TTC28: variants seen among roughly 807,000 people sequenced by gnomAD.
TTC28 encodes the protein tetratricopeptide repeat domain 28.
Under a neutral mutation model 198.0 loss-of-function variants are expected in TTC28, and 61 were observed. The ratio of observed to expected loss-of-function variants is 0.31; its 90% CI spans 0.25 to 0.38. The LOEUF is 0.38. TTC28 is among the 10% of genes least tolerant of loss of function. The probability of loss-of-function intolerance (pLI) is 1.00; values close to 1 mark genes in which losing one functional copy is unlikely to be tolerated. For synonymous variants in TTC28, 1,171 were observed against 1,297.8 expected (o/e 0.90, Z 2.10); for missense variants, 2,678 against 3,164.0 (o/e 0.85, Z 3.69).
chr22:28,558,690 G>C (rs898973790), intron 2 of TTC28, among the ~76,000 whole-genome samples: 5 of 150,252 alleles, frequency 3.3e-5, no homozygotes, highest in African/African-American at 9.8e-5. Flanking sequence ...AAATAAAAAA[G>C]AAAAAAAGAT....
At chr22:28,549,539 C>T (rs964526010) in intron 2 of TTC28, among the ~76,000 whole-genome samples, 2 of 152,158 alleles carry the variant, frequency 1.3e-5, no homozygotes, top group Admixed American at 1.3e-4. Context: ...TAAAAACAAA[C>T]AGTTCTCAAA....
chr22:28,229,355 G>A (rs1311256955), intron 5 of TTC28, among the ~76,000 whole-genome samples: 3 of 152,008 alleles, frequency 2.0e-5, no homozygotes, highest in Admixed American at 1.3e-4. Flanking sequence ...AAATAAAGGG[G>A]GACCAAGTGA....
At chr22:28,593,706 A>C (rs953185299) in intron 2 of TTC28, among the ~76,000 whole-genome samples, 1 of 152,202 alleles carries the variant, frequency 6.6e-6, no homozygotes, top group Non-Finnish European at 1.5e-5. Context: ...TACCTTCTTA[A>C]ATTTTATTGT....
intron 5 of TTC28, among the ~76,000 whole-genome samples, chr22:28,205,078 T>C (rs1926281795): frequency 6.6e-6 from 1 of 152,154 alleles, no homozygotes; most frequent in Non-Finnish European, 1.5e-5. Context: ...ATAATGGTCC[T>C]TATGAAATAT....
At chr22:28,587,938 G>C (rs946449051) in intron 2 of TTC28, among the ~76,000 whole-genome samples, 8 of 151,546 alleles carry the variant, frequency 5.3e-5, no homozygotes, top group African/African-American at 1.2e-4. Flanking sequence ...TCAGGAGATC[G>C]AGACCATCCT....
intron 2 of TTC28, among the ~76,000 whole-genome samples, chr22:28,401,675 G>A (rs528647795): frequency 2.0e-4 from 30 of 152,174 alleles, no homozygotes; most frequent in Non-Finnish European, 2.9e-4. Flanking sequence ...TCTGTAATCC[G>A]AGTACTTTGG....
chr22:28,237,905 T>C (rs1351658778), intron 5 of TTC28, among the ~76,000 whole-genome samples: 1 of 152,214 alleles, frequency 6.6e-6, no homozygotes, highest in Non-Finnish European at 1.5e-5. Context: ...GTTTTTCTTT[T>C]AACATTACCA....
chr22:28,633,877 A>C (rs1011558643), intron 1 of TTC28, among the ~76,000 whole-genome samples: 2 of 152,108 alleles, frequency 1.3e-5, no homozygotes, highest in African/African-American at 4.8e-5. Flanking sequence ...TGAGAGGGGG[A>C]AATACCATAC....
At chr22:28,171,153 T>C (rs1922638531) in intron 5 of TTC28, among the ~76,000 whole-genome samples, 2 of 152,210 alleles carry the variant, frequency 1.3e-5, no homozygotes, top group Non-Finnish European at 2.9e-5. Flanking sequence ...AACAGTCTTA[T>C]ATTCTAGTCT....
intron 12 of TTC28, among the ~76,000 whole-genome samples, chr22:28,033,255 A>C (rs1044687930): frequency 3.3e-5 from 5 of 152,224 alleles, no homozygotes; most frequent in African/African-American, 1.2e-4. Context: ...GGGAACAACA[A>C]GCAGGCGATG....
At chr22:28,452,440 T>C (rs1463408614) in intron 2 of TTC28, among the ~76,000 whole-genome samples, 2 of 142,328 alleles carry the variant, frequency 1.4e-5, no homozygotes, top group Non-Finnish European at 3.0e-5. Context: ...TCTCTGGCTA[T>C]GGTGAAAGAG....
At chr22:28,459,578 G>A (rs781596990) in intron 2 of TTC28, among the ~76,000 whole-genome samples, 1 of 152,134 alleles carries the variant, frequency 6.6e-6, no homozygotes, top group Non-Finnish European at 1.5e-5. Context: ...CACATCCCAA[G>A]ACCAGTTCTT....
At chr22:28,380,256 G>A (rs990926003) in intron 2 of TTC28, among the ~76,000 whole-genome samples, 3 of 152,006 alleles carry the variant, frequency 2.0e-5, no homozygotes, top group Non-Finnish European at 4.4e-5. Flanking sequence ...CACATTTTAG[G>A]TCTAACTCAT....
At chr22:28,088,123 A>G (rs1941681685) in intron 12 of TTC28, among the ~76,000 whole-genome samples, 1 of 152,184 alleles carries the variant, frequency 6.6e-6, no homozygotes, top group African/African-American at 2.4e-5. Context: ...ATCCCCATCA[A>G]GCTACCAATG....
At chr22:28,476,328 T>C (rs2048166868) in intron 2 of TTC28, among the ~76,000 whole-genome samples, 1 of 152,216 alleles carries the variant, frequency 6.6e-6, no homozygotes, top group South Asian at 2.1e-4. Flanking sequence ...TATAACGTTG[T>C]GTAATATGTG....
chr22:28,088,240 T>G (rs912717315), intron 12 of TTC28, among the ~76,000 whole-genome samples: 27 of 152,172 alleles, frequency 1.8e-4, no homozygotes, highest in African/African-American at 6.3e-4. Flanking sequence ...GCTGGAGGCA[T>G]CACGCTACCT....
chr22:28,601,754 G>C (rs1465063689), intron 2 of TTC28, among the ~76,000 whole-genome samples: 1 of 146,048 alleles, frequency 6.8e-6, no homozygotes, highest in Non-Finnish European at 1.5e-5. Flanking sequence ...GCTAACCCAA[G>C]ATTCACAGCA....
chr22:28,508,473 C>T (rs1174579499), intron 2 of TTC28, among the ~76,000 whole-genome samples: 1 of 151,868 alleles, frequency 6.6e-6, no homozygotes, highest in African/African-American at 2.4e-5. Flanking sequence ...TTAGTAGAGA[C>T]GGGGTTTCAC....
chr22:28,532,573 C>G (rs2049164528), intron 2 of TTC28, among the ~76,000 whole-genome samples: 5 of 152,188 alleles, frequency 3.3e-5, no homozygotes, highest in Admixed American at 3.3e-4. Flanking sequence ...CAGCATCACC[C>G]TGATACCAAA....
Sources: allele counts gnomAD v4.1 joint callset (sites outside exome capture counted in the v4.1 genomes callset), GRCh38; gene constraint gnomAD v4.1.1; transcripts MANE v1.5; gene names NCBI Gene and HGNC (gene_info 2026-07-23, HGNC 2026-07-21).